Variants in TP53BP2 observed in about 807,000 individuals in gnomAD.
TP53BP2 encodes apoptosis-stimulating of p53 protein 2.
TP53BP2 carries 62 observed loss-of-function variants against 126.2 expected under a neutral mutation model. That is an observed-to-expected ratio of 0.49 (90% CI 0.40 to 0.61). TP53BP2 has a LOEUF of 0.61. Ranked by LOEUF, TP53BP2 falls within the 20% of genes least tolerant of loss-of-function variation. The pLI, the probability that TP53BP2 is intolerant of heterozygous loss-of-function variation, is 0.00. For missense variants in TP53BP2, 1,215 were observed against 1,402.8 expected (o/e 0.87, Z 2.14); for synonymous variants, 485 against 502.9 (o/e 0.96, Z 0.48).
rs369585085 is a variant in TP53BP2 at position 223,803,480 on chromosome 1, A to C, written c.650-28T>G. On this transcript the variant is annotated intron_variant, in intron 6 of 17. Transcript: ENST00000343537. Reference sequence around the variant, plus strand: ...AGATGAGACAGAGAACAGCAACAACAGTTGAAAAGAAAAATAAGAATGGAC... The same window carrying C: ...AGATGAGACAGAGAACAGCAACAACCGTTGAAAAGAAAAATAAGAATGGAC... 6 of 1,553,694 alleles carry C rather than the reference A, an allele frequency of 3.9e-6. No homozygotes were observed. The African/African-American group carries it at 8.3e-5, about 21-fold the overall frequency.
At chr1:223,806,303 AT>A (rs1662714303) in intron 5 of TP53BP2, among the ~76,000 whole-genome samples, 1 of 152,098 alleles carries the variant, frequency 6.6e-6, no homozygotes, top group East Asian at 1.9e-4. Flanking sequence ...GTTAATCTTG[AT>A]CAGAATCAGG....
chr1:223,796,141 C>A lies in TP53BP2; in HGVS notation c.2398G>T (p.Val800Leu). The change falls in exon 13 of 18, where the codon GTG (valine) becomes TTG (leucine). Residue 800 changes from valine to leucine, a missense_variant. Around this residue, in one of 4 missense-constraint regions of TP53BP2, gnomAD observed 204 missense variants for 225.7 expected, o/e 0.90. Coordinates refer to ENST00000343537, the MANE Select transcript of TP53BP2 (RefSeq NM_001031685.3). The surrounding 1 kb of genome is among the most constrained non-coding windows in gnomAD (Gnocchi z 4.2). The part of the protein sequence containing the change: ...PVEIQNPYLH[V>L]EPEKEVVSLV... ...GAGACCACCTCCTTTTCGGGCTCCA[C>A]ATGTAAATATGGATTCTGGATTTCT... 10 of 1,614,190 alleles carry A rather than the reference C, an allele frequency of 6.2e-6. No individual in the cohort carries two copies. The highest frequency in any genetic ancestry group is 8.5e-6 in the Non-Finnish European group (10 of 1,180,042).
At chr1:223,793,178 T>C in intron 14 of TP53BP2, 125 bp downstream of exon 14, 1 of 769,010 alleles carries the variant, frequency 1.3e-6, no homozygotes, top group South Asian at 3.6e-5. Flanking sequence ...CTACAGTCGC[T>C]TTCTAATTAG....
intron 11 of TP53BP2, among the ~76,000 whole-genome samples, chr1:223,799,015 T>C (rs562983943): frequency 6.6e-6 from 1 of 152,354 alleles, no homozygotes; most frequent in East Asian, 1.9e-4. Flanking sequence ...GAGGTTGTAG[T>C]GAGCTAAGAT....
At chr1:223,823,883 T>C (rs978156506) in intron 1 of TP53BP2, among the ~76,000 whole-genome samples, 2 of 152,232 alleles carry the variant, frequency 1.3e-5, no homozygotes, top group African/African-American at 2.4e-5. Context: ...ATATGAAGCT[T>C]AGAGGTGTTA....
rs138020478 is a variant in TP53BP2 at position 223,786,985 on chromosome 1, C to T, written c.3163+2023G>A. Among the ~76,000 whole-genome samples, 1,033 of 151,486 alleles carry T rather than the reference C, an allele frequency of 6.8e-3. 9 individuals carry two copies. The highest frequency in any genetic ancestry group is 0.024 in the African/African-American group (998 of 41,256). ...GGTCTCAGCTCACTGCAACCTCCGC[C>T]TCCGGGTTCAAACAGTTCTCCTGCC... is the stretch of plus-strand genomic sequence containing the variant. On this transcript the variant is annotated intron_variant, in intron 16 of 17. Transcript: ENST00000343537.
At chr1:223,839,394 G>C (rs116560052) in intron 1 of TP53BP2, among the ~76,000 whole-genome samples, 2,070 of 152,288 alleles carry the variant, frequency 0.014, 68 homozygotes, top group African/African-American at 0.046. Flanking sequence ...TCCCTGGGAG[G>C]GAAGTTAGAG....
chr1:223,834,587 G>A (rs1347154862), intron 1 of TP53BP2, among the ~76,000 whole-genome samples: 1 of 151,982 alleles, frequency 6.6e-6, no homozygotes, highest in African/African-American at 2.4e-5. Flanking sequence ...GAATTTCAGG[G>A]AATTCCATTT....
chr1:223,798,201 G>A lies in TP53BP2; in HGVS notation c.1948+14C>T, dbSNP rs758932237. 1.9e-5 allele frequency: 30 copies of A among 1,606,206 alleles called. No individual in the cohort carries two copies. Among genetic ancestry groups the A allele is most frequent in the Admixed American group, 3.4e-5 (2 of 59,094 alleles). On this transcript the variant is annotated intron_variant, in intron 12 of 17. Coordinates refer to ENST00000343537, the MANE Select transcript of TP53BP2 (RefSeq NM_001031685.3). ...GAACTTAAGCACGTCACCTATGAAC[G>A]TTAAGAACCTTACCACTTGAAAAGT... is the stretch of plus-strand genomic sequence containing the variant.
intron 17 of TP53BP2, among the ~76,000 whole-genome samples, chr1:223,783,851 A>C (rs1459500557): frequency 6.6e-6 from 1 of 152,212 alleles, no homozygotes; most frequent in Non-Finnish European, 1.5e-5. Context: ...CACAGGCTCA[A>C]TTCCAATCAT....
At chr1:223,816,384 C>T (rs747368149) in intron 2 of TP53BP2, among the ~76,000 whole-genome samples, 1 of 152,008 alleles carries the variant, frequency 6.6e-6, no homozygotes, top group East Asian at 1.9e-4. Context: ...TAGGGGAACA[C>T]ATTTACACCT....
At chr1:223,821,503 C>T in intron 1 of TP53BP2, 136 bp from the exon 2 acceptor site, 7 of 1,215,526 alleles carry the variant, frequency 5.8e-6, no homozygotes, top group African/African-American at 1.5e-5. Context: ...GTCACCCGGC[C>T]AAAGGTGAGG....
chr1:223,830,055 T>C (rs1156347741), intron 1 of TP53BP2, among the ~76,000 whole-genome samples: 2 of 152,102 alleles, frequency 1.3e-5, no homozygotes, highest in Non-Finnish European at 2.9e-5. Context: ...CACAAGACAA[T>C]ACAAATATGA....
chr1:223,785,771 T>A (rs1233163497), intron 16 of TP53BP2, among the ~76,000 whole-genome samples: 1 of 152,178 alleles, frequency 6.6e-6, no homozygotes, highest in South Asian at 2.1e-4. Flanking sequence ...TTTTAAAAAA[T>A]TTTTTGAGGG....
intron 1 of TP53BP2, among the ~76,000 whole-genome samples, chr1:223,826,832 C>T (rs1443932443): frequency 6.6e-6 from 1 of 152,030 alleles, no homozygotes; most frequent in East Asian, 1.9e-4. Flanking sequence ...ATGCTACACA[C>T]GGAATGAGAT....
At chr1:223,831,243 AAAT>A (rs1012320034) in intron 1 of TP53BP2, among the ~76,000 whole-genome samples, 1 of 146,814 alleles carries the variant, frequency 6.8e-6, no homozygotes, top group African/African-American at 2.6e-5. Flanking sequence ...AAAAAAAAAA[AAAT>A]AGCTCGGTGT....
At chr1:223,808,425 C>T (rs904153669) in intron 4 of TP53BP2, among the ~76,000 whole-genome samples, 2 of 151,864 alleles carry the variant, frequency 1.3e-5, no homozygotes, top group African/African-American at 2.4e-5. Context: ...CCTATAATCC[C>T]AGCTACTCGG....
At chr1:223,808,489 C>T (rs1262696657) in intron 4 of TP53BP2, among the ~76,000 whole-genome samples, 8 of 150,466 alleles carry the variant, frequency 5.3e-5, no homozygotes, top group Non-Finnish European at 1.0e-4. Context: ...TGCAGTGAGC[C>T]GAGATCGCGC....
intron 1 of TP53BP2, among the ~76,000 whole-genome samples, chr1:223,837,581 C>T (rs1224379754): frequency 6.6e-6 from 1 of 151,636 alleles, no homozygotes; most frequent in Non-Finnish European, 1.5e-5. Flanking sequence ...CCTTCACAAC[C>T]AATTCTGTCA....
Sources: allele counts gnomAD v4.1 joint callset (sites outside exome capture counted in the v4.1 genomes callset), GRCh38; gene constraint gnomAD v4.1.1; regional missense constraint gnomAD v4.1.1; non-coding constraint Gnocchi (gnomAD v3.1); transcripts MANE v1.5; gene names NCBI Gene and HGNC (gene_info 2026-07-23, HGNC 2026-07-21).